SFRP1: variants seen among roughly 807,000 people sequenced by gnomAD.
SFRP1 encodes secreted frizzled-related protein 1.
SFRP1 carries 9 observed loss-of-function variants against 25.9 expected under a neutral mutation model. The ratio of observed to expected loss-of-function variants is 0.35; its 90% confidence interval spans 0.21 to 0.61. SFRP1 has a LOEUF of 0.61. Ranked by LOEUF, SFRP1 falls within the 20% of genes least tolerant of loss-of-function variation. SFRP1 has a pLI of 0.78. For synonymous variants in SFRP1, 178 were observed against 174.0 expected (o/e 1.02, Z -0.18); for missense variants, 346 against 418.2 (o/e 0.83, Z 1.51).
chr8:41,289,333 G>A (rs1230627106), intron 2 of SFRP1, among the ~76,000 whole-genome samples: 1 of 152,206 alleles, frequency 6.6e-6, no homozygotes, highest in Non-Finnish European at 1.5e-5. Flanking sequence ...GAACTGACTG[G>A]CCAAAGTCAC....
Position 41,292,637 on chromosome 8 carries a change from GC to G in SFRP1, c.622+10823del, listed in dbSNP as rs553787630. On this transcript the variant is annotated intron_variant, in intron 2 of 2. Coordinates refer to ENST00000220772, the MANE Select transcript of SFRP1 (RefSeq NM_003012.5). ...ATTATGGAGACTTCCCTCTTCCCAG[GC>G]CCTGGGAAGAAATGATATCAACACT... Among the ~76,000 whole-genome samples the G allele has an allele frequency of 2.1e-3, 313 of 152,174 alleles. 1 individual carries two copies. The highest frequency in any genetic ancestry group is 3.0e-3 in the Non-Finnish European group (207 of 67,996).
At chr8:41,274,846 A>G (rs890101849) in intron 2 of SFRP1, among the ~76,000 whole-genome samples, 31 of 152,338 alleles carry the variant, frequency 2.0e-4, no homozygotes, top group African/African-American at 6.7e-4. Flanking sequence ...TATAAAATAT[A>G]AATGAACCAC....
chr8:41,299,098 C>CA lies in SFRP1; in HGVS notation c.622+4362_622+4363insT, dbSNP rs1803878527. On this transcript the variant is annotated intron_variant, in intron 2 of 2. Transcript: ENST00000220772. ...CTCCATCTCTTCACCGCCTACCCCCCCAACCCCCCACCTCCCATGCACAAG... is the reference window on the plus strand; with the variant it reads ...CTCCATCTCTTCACCGCCTACCCCCCACAACCCCCCACCTCCCATGCACAAG... 5.3e-5 allele frequency among the ~76,000 whole-genome samples: 8 copies of CA among 152,168 alleles called. No individual in the cohort carries two copies. In the South Asian group the frequency reaches 1.7e-3, roughly 32 times the overall value.
chr8:41,299,756 A>G (rs1803892394), intron 2 of SFRP1, among the ~76,000 whole-genome samples: 1 of 151,468 alleles, frequency 6.6e-6, no homozygotes, highest in Non-Finnish European at 1.5e-5. Context: ...TATGCCTACC[A>G]TGTATAAGAC....
chr8:41,309,369 G>T lies in SFRP1; in HGVS notation c.-210C>A. On this transcript the variant is annotated 5_prime_UTR_variant, in exon 1 of 3. Transcript: ENST00000220772. ...GAGGCGGCGCGGGCGGGGAGGCGGC[G>T]CTGCGGGCTGGGTGCGCCCCGGCTC... is the stretch of plus-strand genomic sequence containing the variant. The T allele has an allele frequency of 3.0e-6, 1 of 338,570 alleles. No homozygotes were observed. Among genetic ancestry groups the T allele is most frequent in the Non-Finnish European group, 4.6e-6 (1 of 217,928 alleles). The allele number at this position is 338,570 out of a possible 1,614,324, so 21.0% of individuals were successfully genotyped here.
chr8:41,306,317 C>T (rs1264665658), intron 1 of SFRP1, among the ~76,000 whole-genome samples: 2 of 152,154 alleles, frequency 1.3e-5, no homozygotes, highest in Non-Finnish European at 2.9e-5. Context: ...TTTGAAAATG[C>T]ATTTTAATTT....
intron 1 of SFRP1, 29 bp from the exon 2 acceptor site, chr8:41,303,567 C>T (rs761565057): frequency 6.3e-7 from 1 of 1,579,278 alleles, no homozygotes; most frequent in South Asian, 1.1e-5. Context: ...AGAAACGGAA[C>T]TGTAAGTTAC....
chr8:41,271,682 T>G (rs1275108998), intron 2 of SFRP1: 1 of 151,942 alleles, frequency 6.6e-6, no homozygotes, highest in African/African-American at 2.4e-5. Context: ...AATGATAATA[T>G]GGCCAGGAGT....
chr8:41,291,259 TC>T, intron 2 of SFRP1, among the ~76,000 whole-genome samples: 1 of 152,214 alleles, frequency 6.6e-6, no homozygotes, highest in African/African-American at 2.4e-5. Flanking sequence ...TAAAATAAGT[TC>T]CCAGTGTCTC....
At chr8:41,304,714 T>A (rs998160952) in intron 1 of SFRP1, among the ~76,000 whole-genome samples, 3 of 151,894 alleles carry the variant, frequency 2.0e-5, no homozygotes, top group Non-Finnish European at 2.9e-5. Flanking sequence ...GCTCCCTAAG[T>A]GGAAGAGAAG....
rs546395285 is a variant in SFRP1 at position 41,294,674 on chromosome 8, A to G, written c.622+8787T>C. Among the ~76,000 whole-genome samples the G allele has an allele frequency of 2.0e-5, 3 of 152,290 alleles. No individual in the cohort carries two copies. In the East Asian group the frequency reaches 5.8e-4, roughly 29 times the overall value. On this transcript the variant is annotated intron_variant, in intron 2 of 2. Coordinates refer to ENST00000220772, the MANE Select transcript of SFRP1 (RefSeq NM_003012.5). ...AAGCCAGTAAGCATCTATTACCTGC[A>G]CATCAATCCCTAAGTGCTGTCAAAT... is the stretch of plus-strand genomic sequence containing the variant.
In SFRP1 at chr8:41,308,947, C is replaced by T. The variant is rs1016241797; in HGVS notation, c.213G>A (p.Val71=). 1 of 1,613,502 alleles carries T rather than the reference C, an allele frequency of 6.2e-7. No individual in the cohort carries two copies. The highest frequency in any genetic ancestry group is 1.3e-5 in the African/African-American group (1 of 75,066). ...TGGGCAGCACCATCTTCTTGTAGCC[C>T]ACGTTGTGGCACAGCCGCAGGTCCG... is the stretch of plus-strand genomic sequence containing the variant. ...IPADLRLCHN[V]GYKKMVLPNL... is the part of the protein sequence containing the mutation. Residue 71 remains valine, a synonymous_variant, in exon 1 of 3, where the codon GTG becomes GTA. Transcript: ENST00000220772.
intron 2 of SFRP1, among the ~76,000 whole-genome samples, chr8:41,286,952 C>T (rs185310825): frequency 3.3e-5 from 5 of 152,198 alleles, no homozygotes; most frequent in African/African-American, 1.2e-4. Flanking sequence ...GAAAAAGAGT[C>T]CTGTGGGTCA....
At chr8:41,296,232 G>A (rs1234564431) in intron 2 of SFRP1, among the ~76,000 whole-genome samples, 2 of 152,184 alleles carry the variant, frequency 1.3e-5, no homozygotes, top group East Asian at 1.9e-4. Context: ...GCTTTCACAC[G>A]GAGTTTGCAA....
At chr8:41,289,675 C>G (rs182839768) in intron 2 of SFRP1, among the ~76,000 whole-genome samples, 1 of 152,226 alleles carries the variant, frequency 6.6e-6, no homozygotes, top group African/African-American at 2.4e-5. Flanking sequence ...GCCCAGAGAA[C>G]CAGCAGTTCT....
intron 2 of SFRP1, among the ~76,000 whole-genome samples, chr8:41,286,118 T>TG (rs1019720661): frequency 2.0e-5 from 3 of 150,966 alleles, no homozygotes; most frequent in Admixed American, 2.0e-4. Flanking sequence ...GCGTCGGGAA[T>TG]GGGGGGACAG....
At chr8:41,285,341 C>G (rs763352091) in intron 2 of SFRP1, among the ~76,000 whole-genome samples, 1 of 152,048 alleles carries the variant, frequency 6.6e-6, no homozygotes, top group African/African-American at 2.4e-5. Context: ...CGCACTATTC[C>G]CTTCACACAC....
intron 2 of SFRP1, among the ~76,000 whole-genome samples, chr8:41,283,387 C>A (rs1021106223): frequency 6.6e-6 from 1 of 151,984 alleles, no homozygotes; most frequent in African/African-American, 2.4e-5. Flanking sequence ...AGATAGGAAA[C>A]CCCCGTGAGA....
At chr8:41,272,956 A>C (rs1413898711) in intron 2 of SFRP1, among the ~76,000 whole-genome samples, 1 of 152,220 alleles carries the variant, frequency 6.6e-6, no homozygotes, top group East Asian at 1.9e-4. Flanking sequence ...AATACAAAGG[A>C]TCAGTATCCC....
Sources: allele counts gnomAD v4.1 joint callset (sites outside exome capture counted in the v4.1 genomes callset), GRCh38; gene constraint gnomAD v4.1.1; transcripts MANE v1.5; gene names NCBI Gene and HGNC (gene_info 2026-07-23, HGNC 2026-07-21).